The following MRPL58 variants were observed in gnomAD, a reference collection of about 807,000 sequenced individuals.
The protein encoded by MRPL58 is large ribosomal subunit protein mL62.
Under a neutral mutation model 26.0 loss-of-function variants are expected in MRPL58, and 17 were observed. The observed-to-expected ratio is 0.65, with a 90% CI of 0.45 to 0.98. MRPL58 has a LOEUF of 0.98. Ranked by LOEUF, MRPL58 falls within the 50% of genes least tolerant of loss-of-function variation. MRPL58 has a pLI of 0.00. For synonymous variants in MRPL58, 100 were observed against 99.7 expected, an observed-to-expected ratio of 1.00 and a Z score of -0.02; for missense variants, 250 against 269.0, an observed-to-expected ratio of 0.93 and a Z score of 0.49.
chr17:75,015,688 G>T (rs60623699), intron 1 of MRPL58, among the ~76,000 whole-genome samples: 4,959 of 152,214 alleles, frequency 0.033, 272 homozygotes, highest in African/African-American at 0.11. Flanking sequence ...AGGAAGGAGG[G>T]TGTGGCCCAT....
At chr17:75,015,790 A>G (rs1357203107) in intron 1 of MRPL58, among the ~76,000 whole-genome samples, 2 of 151,834 alleles carry the variant, frequency 1.3e-5, no homozygotes, top group Non-Finnish European at 1.5e-5. Context: ...TTCTGAGACA[A>G]AGTCTCGTTA....
intron 2 of MRPL58, among the ~76,000 whole-genome samples, chr17:75,018,407 A>G (rs111404031): frequency 6.6e-6 from 1 of 151,442 alleles, no homozygotes. Context: ...AATTTTTTGT[A>G]TTTTTTAGTA....
chr17:75,019,604 A>ATAT (rs2039999842), intron 2 of MRPL58, 96 bp from the exon 3 acceptor site: 1 of 1,229,134 alleles, frequency 8.1e-7, no homozygotes, highest in South Asian at 1.3e-5. Context: ...AATTTTCCCA[A>ATAT]TATAATACCT....
intron 1 of MRPL58, among the ~76,000 whole-genome samples, chr17:75,016,394 C>A (rs1439316420): frequency 6.6e-6 from 1 of 151,928 alleles, no homozygotes; most frequent in Non-Finnish European, 1.5e-5. Flanking sequence ...CCAGCCTGGG[C>A]TACAGAGCGA....
At position 75,017,095 on chromosome 17, in the gene MRPL58, C is replaced by T. The variant is rs1263739420; in HGVS notation, c.204C>T (p.Ala68=). 17 of 1,612,758 alleles carry T rather than the reference C, an allele frequency of 1.1e-5. No individual in the cohort carries two copies. The highest frequency in any genetic ancestry group is 9.9e-5 in the South Asian group (9 of 91,048). The part of the protein sequence containing the change: ...AWRVPNGAKQ[A]DSDIPLDRLT... ...CATTACAGAATGGTGCAAAGCAAGC[C>T]GACAGTGACATCCCTCTAGGTAAGT... The change falls in exon 2 of 6, where the codon GCC becomes GCT. Residue 68 remains alanine, a synonymous_variant. Coordinates refer to ENST00000301585, the MANE Select transcript of MRPL58 (RefSeq NM_001545.3).
Position 75,021,097 on chromosome 17 carries a change from T to A in MRPL58, c.*92T>A. On this transcript the variant is annotated 3_prime_UTR_variant, in exon 6 of 6. Transcript: ENST00000301585. ...CACCATAAGGAGATTTCTGTTTTTC[T>A]TTTTGGCTGTTAATGCTTGTCTATA... 1 of 825,746 alleles carries A rather than the reference T, an allele frequency of 1.2e-6. No individual in the cohort carries two copies. The allele number at this position is 825,746 out of a possible 1,614,324, so 51.2% of individuals were successfully genotyped here. A position where few individuals can be genotyped will look rare whatever the true frequency, so the allele number is the denominator to read the frequency against.
chr17:75,012,699 A>C lies in MRPL58; in HGVS notation c.13A>C (p.Arg5=), dbSNP rs1352673278. The change falls in exon 1 of 6, where the codon AGG becomes CGG. Residue 5 remains arginine, a synonymous_variant. Transcript: ENST00000301585. The stretch of plus-strand genomic sequence containing the variant: ...GCAAGACCTGAGCATGGCGGCCACC[A>C]GGTGCCTGCGCTGGGGCCTGAGCCG... The part of the protein sequence containing the change: MAAT[R]CLRWGLSRAG... 1.3e-6 allele frequency: 2 copies of C among 1,556,198 alleles called. No homozygotes were observed. Among genetic ancestry groups the C allele is most frequent in the Non-Finnish European group, 1.7e-6 (2 of 1,154,246 alleles).
At position 75,012,880 on chromosome 17, in the gene MRPL58, G is replaced by A. The variant is rs777604246; in HGVS notation, c.186+8G>A. Reference sequence around the variant, plus strand: ...ACCGCCTGGAGGGTCCCGGTGAGCCGGGAAGGACTGGACGGAAGGGGCGTT... The same window carrying A: ...ACCGCCTGGAGGGTCCCGGTGAGCCAGGAAGGACTGGACGGAAGGGGCGTT... On this transcript the variant is annotated splice_region_variant and intron_variant, in intron 1 of 5. Transcript: ENST00000301585. 1.0e-5 allele frequency: 16 copies of A among 1,603,332 alleles called. No individual in the cohort carries two copies. The highest frequency in any genetic ancestry group is 8.6e-5 in the Admixed American group (5 of 58,400).
At chr17:75,018,442 C>A (rs1163018177) in intron 2 of MRPL58, 1 of 152,072 alleles carries the variant, frequency 6.6e-6, no homozygotes, top group African/African-American at 2.4e-5. Flanking sequence ...CCATGTTAGC[C>A]AGGATGGTCT....
chr17:75,012,903 G>A (rs773656706), intron 1 of MRPL58, 31 bp downstream of exon 1: 2 of 1,582,468 alleles, frequency 1.3e-6, no homozygotes, highest in African/African-American at 1.4e-5. Context: ...CGGAAGGGGC[G>A]TTTTGTCAGG....
intron 2 of MRPL58, among the ~76,000 whole-genome samples, chr17:75,019,092 T>C (rs1345653529): frequency 1.3e-5 from 2 of 150,672 alleles, no homozygotes; most frequent in African/African-American, 4.9e-5. Context: ...ATTGTGCCAC[T>C]GGACTCCAGC....
intron 1 of MRPL58, among the ~76,000 whole-genome samples, chr17:75,013,241 T>C (rs2039947263): frequency 6.6e-6 from 1 of 152,190 alleles, no homozygotes; most frequent in Non-Finnish European, 1.5e-5. Flanking sequence ...GACGTTACAG[T>C]GTCCATTGTC....
chr17:75,013,437 C>T lies in MRPL58; in HGVS notation c.186+565C>T, dbSNP rs367721863. ...ATATCCATTCATTTGTTCATTAATT[C>T]ACTCACTCACTCAACAAAAGCTGTG... On this transcript the variant is annotated intron_variant, in intron 1 of 5. Coordinates refer to ENST00000301585, the MANE Select transcript of MRPL58 (RefSeq NM_001545.3). 1.4e-4 allele frequency among the ~76,000 whole-genome samples: 19 copies of T among 137,568 alleles called. No homozygotes were observed. In the East Asian group the frequency reaches 3.5e-3, roughly 25 times the overall value. 90.2% of individuals were successfully genotyped at this position (137,568 alleles called of 152,430 possible).
At chr17:75,013,154 G>A (rs1167523762) in intron 1 of MRPL58, among the ~76,000 whole-genome samples, 10 of 152,214 alleles carry the variant, frequency 6.6e-5, no homozygotes. Context: ...CCAGTCCCAA[G>A]GGGAAATACG....
In MRPL58 at chr17:75,019,584, C is replaced by G. The variant is rs998133546; in HGVS notation, c.224-116C>G. 5.2e-6 allele frequency: 5 copies of G among 961,782 alleles called. No homozygotes were observed. The African/African-American group carries it at 8.2e-5, about 16-fold the overall frequency. The allele number at this position is 961,782 out of a possible 1,614,324, so 59.6% of individuals were successfully genotyped here. ...AGTTCCTTGCCACCCAAACTTCTTG[C>G]AGTTTTTGAAATTTTCCCAATATAA... is the stretch of plus-strand genomic sequence containing the variant. On this transcript the variant is annotated intron_variant, in intron 2 of 5. Transcript: ENST00000301585.
At chr17:75,014,423 G>C (rs1318521145) in intron 1 of MRPL58, among the ~76,000 whole-genome samples, 1 of 142,678 alleles carries the variant, frequency 7.0e-6, no homozygotes, top group Non-Finnish European at 1.5e-5. Flanking sequence ...GATCACGGGC[G>C]TGAGCCACCG....
At position 75,012,692 on chromosome 17, in the gene MRPL58, G is replaced by A. The variant is rs2039940109; in HGVS notation, c.6G>A (p.Ala2=). Reference sequence around the variant, plus strand: ...AGCAGTCGCAAGACCTGAGCATGGCGGCCACCAGGTGCCTGCGCTGGGGCC... The same window carrying A: ...AGCAGTCGCAAGACCTGAGCATGGCAGCCACCAGGTGCCTGCGCTGGGGCC... M[A]ATRCLRWGLS... The change falls in exon 1 of 6, where the codon GCG becomes GCA. Residue 2 remains alanine (A), a synonymous_variant. Coordinates refer to ENST00000301585, the MANE Select transcript of MRPL58 (RefSeq NM_001545.3). 1 of 1,550,120 alleles carries A rather than the reference G, an allele frequency of 6.5e-7. No individual in the cohort carries two copies.
At position 75,012,797 on chromosome 17, in the gene MRPL58, T is replaced by C; in HGVS notation, c.111T>C (p.Thr37=). ...CGCTGCACAAGCAGAAAGACGGCAC[T>C]GAGTTCAAGAGCATCTACAGCCTGG... ...RRALHKQKDG[T]EFKSIYSLDK... is the part of the protein sequence containing the mutation. Residue 37 remains threonine, a synonymous_variant, in exon 1 of 6, where the codon ACT becomes ACC. Coordinates refer to ENST00000301585, the MANE Select transcript of MRPL58 (RefSeq NM_001545.3). The C allele has an allele frequency of 6.2e-7, 1 of 1,611,316 alleles. No homozygotes were observed. Among genetic ancestry groups the C allele is most frequent in the South Asian group, 1.1e-5 (1 of 90,784 alleles).
Position 75,020,663 on chromosome 17 carries a change from A to G in MRPL58, c.536+6A>G, listed in dbSNP as rs1269263969. On this transcript the variant is annotated splice_donor_region_variant and intron_variant, in intron 5 of 5. Coordinates refer to ENST00000301585, the MANE Select transcript of MRPL58 (RefSeq NM_001545.3). ...GTTAAACTTCATAGAATCAGGTACC[A>G]GGAAATGCCCTAAGATGCTATAAAC... 6.2e-7 allele frequency: 1 copy of G among 1,613,692 alleles called. No homozygotes were observed. Among genetic ancestry groups the G allele is most frequent in the African/African-American group, 1.3e-5 (1 of 74,918 alleles).
Sources: allele counts gnomAD v4.1 joint callset (sites outside exome capture counted in the v4.1 genomes callset), GRCh38; gene constraint gnomAD v4.1.1; transcripts MANE v1.5; gene names NCBI Gene and HGNC (gene_info 2026-07-23, HGNC 2026-07-21).